The following TNIK variants were observed in gnomAD, a reference collection of about 807,000 sequenced individuals.
TNIK encodes the protein TRAF2 and NCK-interacting protein kinase.
TNIK carries 49 observed loss-of-function variants against 191.3 expected under a neutral mutation model. That is an observed-to-expected ratio of 0.26 (90% CI 0.20 to 0.32). The LOEUF (loss-of-function observed/expected upper bound fraction) is 0.32, where lower values mean the gene tolerates loss of function less well. TNIK is among the 10% of genes least tolerant of loss of function. The pLI is 1.00. For synonymous variants in TNIK, 594 were observed against 600.9 expected (o/e 0.99, Z 0.17); for missense variants, 1,155 against 1,702.3 (o/e 0.68, Z 5.66).
chr3:171,370,703 G>C (rs13096703), intron 1 of TNIK, among the ~76,000 whole-genome samples: 66,616 of 151,614 alleles, frequency 0.44, 17,221 homozygotes, highest in Non-Finnish European at 0.58. Flanking sequence ...TGGTAGGGTG[G>C]GGTGGGGTGG....
intron 2 of TNIK, among the ~76,000 whole-genome samples, chr3:171,306,185 G>A (rs1281231755): frequency 6.6e-6 from 1 of 151,976 alleles, no homozygotes; most frequent in Non-Finnish European, 1.5e-5. Context: ...ATGGAAAGAG[G>A]GGAACAACAC....
intron 22 of TNIK, among the ~76,000 whole-genome samples, chr3:171,100,748 A>C (rs1353509430): frequency 1.0e-4 from 4 of 39,792 alleles, no homozygotes; most frequent in Non-Finnish European, 3.0e-4. Flanking sequence ...CTCACCTTGA[A>C]AAAAAAAAAA....
intron 2 of TNIK, among the ~76,000 whole-genome samples, chr3:171,273,625 C>T (rs1749390281): frequency 6.6e-6 from 1 of 152,122 alleles, no homozygotes; most frequent in African/African-American, 2.4e-5. Flanking sequence ...CTGGCGAGTC[C>T]TATTCTTCCA....
chr3:171,167,318 A>G (rs1347848240), intron 9 of TNIK, 48 bp from the exon 10 acceptor site: 4 of 1,585,350 alleles, frequency 2.5e-6, no homozygotes, highest in Non-Finnish European at 3.4e-6. Context: ...CGATCCAAAG[A>G]AAAGCAAATG....
At chr3:171,425,095 T>C (rs1475459870) in intron 1 of TNIK, among the ~76,000 whole-genome samples, 1 of 152,220 alleles carries the variant, frequency 6.6e-6, no homozygotes, top group Non-Finnish European at 1.5e-5. Flanking sequence ...TAAACTGGTA[T>C]GTTGCATTTA....
chr3:171,312,472 T>G (rs1475473200), intron 2 of TNIK, among the ~76,000 whole-genome samples: 1 of 152,058 alleles, frequency 6.6e-6, no homozygotes, highest in East Asian at 1.9e-4. Flanking sequence ...CTCAGATAAT[T>G]GAAGTAATAC....
intron 18 of TNIK, among the ~76,000 whole-genome samples, chr3:171,120,255 G>C (rs1727463410): frequency 6.6e-6 from 1 of 151,678 alleles, no homozygotes; most frequent in South Asian, 2.1e-4. Context: ...TTACTACTAA[G>C]TGCAGGAAGC....
chr3:171,216,485 T>C (rs1185832881), intron 3 of TNIK, among the ~76,000 whole-genome samples: 1 of 152,156 alleles, frequency 6.6e-6, no homozygotes, highest in Non-Finnish European at 1.5e-5. Context: ...CTAAGATAAA[T>C]AGTTGAAATA....
At chr3:171,415,718 A>G (rs1201673922) in intron 1 of TNIK, among the ~76,000 whole-genome samples, 2 of 152,052 alleles carry the variant, frequency 1.3e-5, no homozygotes, top group Non-Finnish European at 2.9e-5. Context: ...CGATGACTCA[A>G]GCCTCTAATC....
At chr3:171,314,415 A>C (rs1246567923) in intron 2 of TNIK, among the ~76,000 whole-genome samples, 1 of 152,172 alleles carries the variant, frequency 6.6e-6, no homozygotes, top group African/African-American at 2.4e-5. Context: ...CAGAAGATCC[A>C]TGTAGAGCCT....
intron 2 of TNIK, among the ~76,000 whole-genome samples, chr3:171,297,043 G>A (rs147405754): frequency 1.3e-5 from 2 of 152,192 alleles, no homozygotes; most frequent in African/African-American, 4.8e-5. Flanking sequence ...GTTTACCGCA[G>A]TCCTTGCCTC....
intron 2 of TNIK, among the ~76,000 whole-genome samples, chr3:171,284,108 G>A (rs1750763534): frequency 6.6e-6 from 1 of 152,098 alleles, no homozygotes; most frequent in African/African-American, 2.4e-5. Context: ...CTATGAATCT[G>A]AAACTCTGGA....
At chr3:171,211,279 C>A in intron 3 of TNIK, 38 bp from the exon 4 acceptor site, 1 of 1,570,406 alleles carries the variant, frequency 6.4e-7, no homozygotes, top group Non-Finnish European at 8.6e-7. Flanking sequence ...TCATGAAAAT[C>A]TATGGTTGTT....
rs116291440 is a variant in TNIK at position 171,143,503 on chromosome 3, G to A, written c.1222-2994C>T. Among the ~76,000 whole-genome samples, 1,232 of 152,278 alleles carry A rather than the reference G, an allele frequency of 8.1e-3. 15 individuals carry two copies. The highest frequency in any genetic ancestry group is 0.032 in the East Asian group (164 of 5,186). ...GCAGGTGCACCTAAGAGTTTGTTGCGCTGAACATAGTAAGAAACTTGAGGG... is the reference window on the plus strand; with the variant it reads ...GCAGGTGCACCTAAGAGTTTGTTGCACTGAACATAGTAAGAAACTTGAGGG... On this transcript the variant is annotated intron_variant, in intron 12 of 32. Coordinates refer to ENST00000436636, the MANE Select transcript of TNIK (RefSeq NM_015028.4).
intron 9 of TNIK, among the ~76,000 whole-genome samples, chr3:171,172,433 A>G (rs972746822): frequency 6.6e-6 from 1 of 152,238 alleles, no homozygotes; most frequent in African/African-American, 2.4e-5. Context: ...AAACATAAAC[A>G]AAATGTTTCA....
At chr3:171,122,646 A>G (rs1225350413) in intron 18 of TNIK, among the ~76,000 whole-genome samples, 2 of 152,246 alleles carry the variant, frequency 1.3e-5, no homozygotes, top group African/African-American at 4.8e-5. Flanking sequence ...CCATATTTTA[A>G]AGATATGTGC....
chr3:171,454,814 G>A (rs1018147493), intron 1 of TNIK, among the ~76,000 whole-genome samples: 3 of 152,078 alleles, frequency 2.0e-5, no homozygotes, highest in Non-Finnish European at 4.4e-5. Flanking sequence ...ATTTCTTTGA[G>A]CCCCATGAGA....
chr3:171,331,249 C>T (rs780943340), intron 2 of TNIK, among the ~76,000 whole-genome samples: 6 of 152,152 alleles, frequency 3.9e-5, no homozygotes, highest in Non-Finnish European at 8.8e-5. Flanking sequence ...CCACTTTCTA[C>T]CCCAGATCCA....
intron 15 of TNIK, among the ~76,000 whole-genome samples, chr3:171,137,977 A>C (rs1056084400): frequency 2.7e-5 from 4 of 150,400 alleles, no homozygotes; most frequent in Non-Finnish European, 5.9e-5. Context: ...ACAAAAAAAA[A>C]AAAAAAACAA....
Sources: gnomAD v4.1 joint callset for allele counts (sites outside exome capture counted in the v4.1 genomes callset) on GRCh38, gnomAD v4.1.1 for gene constraint, MANE v1.5 for transcripts, NCBI Gene and HGNC (gene_info 2026-07-23, HGNC 2026-07-21) for gene names.